The following LPIN2 variants were observed in gnomAD, a reference collection of about 807,000 sequenced individuals.
LPIN2 encodes the protein lipin 2.
Under a neutral mutation model 111.4 loss-of-function variants are expected in LPIN2, and 55 were observed. The ratio of observed to expected loss-of-function variants is 0.49; its 90% CI spans 0.40 to 0.62. The LOEUF (loss-of-function observed/expected upper bound fraction) is 0.62, where lower values mean the gene tolerates loss of function less well. LPIN2 is among the 20% of genes least tolerant of loss of function. The probability of loss-of-function intolerance (pLI) is 0.00; values close to 1 mark genes in which losing one functional copy is unlikely to be tolerated. For synonymous variants in LPIN2, 425 were observed against 414.0 expected (o/e 1.03, Z -0.32); for missense variants, 992 against 1,112.1 (o/e 0.89, Z 1.54).
chr18:2,937,822 G>C lies in LPIN2; in HGVS notation c.1038C>G (p.Leu346=). The part of the protein sequence containing the change: ...MSDPTSVAEL[L]EPPLESTQIS... The stretch of plus-strand genomic sequence containing the variant: ...TCTGAGTACTCTCAAGAGGAGGTTC[G>C]AGAAGCTCTGCCACAGATGTTGGGT... Residue 346 remains leucine, a synonymous_variant, in exon 7 of 20, where the codon CTC becomes CTG. Coordinates refer to ENST00000677752, the MANE Select transcript of LPIN2 (RefSeq NM_001375808.2). 1 of 1,614,114 alleles carries C rather than the reference G, an allele frequency of 6.2e-7. No homozygotes were observed. The highest frequency in any genetic ancestry group is 8.5e-7 in the Non-Finnish European group (1 of 1,180,020).
intron 1 of LPIN2, among the ~76,000 whole-genome samples, chr18:2,992,271 A>G (rs1344777090): frequency 6.6e-6 from 1 of 152,220 alleles, no homozygotes. Context: ...ATGCCACAAC[A>G]TGGACGAACC....
At chr18:2,946,444 TG>T in intron 4 of LPIN2, 1 of 1,434,846 alleles carries the variant, frequency 7.0e-7, no homozygotes, top group Non-Finnish European at 9.8e-7. Flanking sequence ...CGTGAAAGAC[TG>T]GAACGCCTGG....
intron 1 of LPIN2, among the ~76,000 whole-genome samples, chr18:3,004,015 G>A (rs1413515165): frequency 6.7e-6 from 1 of 150,240 alleles, no homozygotes; most frequent in African/African-American, 2.5e-5. Flanking sequence ...ATTGTCTTAT[G>A]CAGTTGAGAT....
intron 1 of LPIN2, among the ~76,000 whole-genome samples, 163 bp downstream of exon 1, chr18:3,012,924 G>A (rs1046277045): frequency 6.6e-6 from 1 of 151,348 alleles, no homozygotes; most frequent in African/African-American, 2.4e-5. Context: ...CGGGAAGCGG[G>A]GACCGCGGCG....
chr18:2,949,137 C>T (rs556684610), intron 4 of LPIN2, among the ~76,000 whole-genome samples: 2 of 152,224 alleles, frequency 1.3e-5, no homozygotes, highest in East Asian at 3.9e-4. Flanking sequence ...TGAAGTCAAG[C>T]AGTAGAAAAG....
chr18:3,012,164 G>A (rs1567871371), intron 1 of LPIN2, among the ~76,000 whole-genome samples: 1 of 152,052 alleles, frequency 6.6e-6, no homozygotes, highest in Non-Finnish European at 1.5e-5. Context: ...TTGACACCAA[G>A]TCTAGAGCCT....
chr18:3,000,738 G>T (rs189251489), intron 1 of LPIN2, among the ~76,000 whole-genome samples: 1 of 152,166 alleles, frequency 6.6e-6, no homozygotes, highest in African/African-American at 2.4e-5. Flanking sequence ...GGGCCTGCTA[G>T]CCAGGTCTAA....
chr18:2,968,590 AG>A (rs1314018832), intron 1 of LPIN2, among the ~76,000 whole-genome samples: 4 of 31,534 alleles, frequency 1.3e-4, no homozygotes, highest in Non-Finnish European at 3.8e-4. Context: ...TCTACTTGGG[AG>A]AGTTAGGTAA....
rs2077698231 is a variant in LPIN2, at chr18:2,960,669, G to C, written c.172C>G (p.Leu58Val). 1.2e-6 allele frequency: 2 copies of C among 1,613,896 alleles called. No individual in the cohort carries two copies. The highest frequency in any genetic ancestry group is 1.1e-5 in the South Asian group (1 of 91,068). The change falls in exon 2 of 20, where the codon CTG (leucine) becomes GTG (valine). Residue 58 changes from leucine to valine, a missense_variant. By Grantham distance (32) the Leu-to-Val change is conservative. Transcript: ENST00000677752. ...CTCACCACTTTCTCTTTGGATCTCA[G>C]GACTCCCAGCTTTCCAAACCGAACG... Reference protein sequence around the residue: ...FHVRFGKLGVLRSKEKVIDIE... With the variant: ...FHVRFGKLGVVRSKEKVIDIE...
At chr18:2,972,250 A>C (rs2077930823) in intron 1 of LPIN2, 1 of 152,148 alleles carries the variant, frequency 6.6e-6, no homozygotes, top group Admixed American at 6.6e-5. Flanking sequence ...TAAATCTAAA[A>C]ATATCCCCGT....
intron 1 of LPIN2, among the ~76,000 whole-genome samples, chr18:3,012,175 C>T (rs1347104306): frequency 6.6e-6 from 1 of 151,974 alleles, no homozygotes; most frequent in Non-Finnish European, 1.5e-5. Flanking sequence ...TCTAGAGCCT[C>T]GTTTTCAATT....
In LPIN2 at chr18:2,919,043, G is replaced by A. The variant is rs1346279472; in HGVS notation, c.*1250C>T. 2 of 152,204 alleles carry A rather than the reference G, an allele frequency of 1.3e-5. No individual in the cohort carries two copies. The highest frequency in any genetic ancestry group is 4.8e-5 in the African/African-American group (2 of 41,440). The allele number at this position is 152,204 out of a possible 1,614,324, so 9.4% of individuals were successfully genotyped here. ...TCTGTCAACACTCAGCATACCAAAA[G>A]CTCTGGAGCAGCTTATGGCACACCT... On this transcript the variant is annotated 3_prime_UTR_variant, in exon 20 of 20. Coordinates refer to ENST00000677752, the MANE Select transcript of LPIN2 (RefSeq NM_001375808.2).
At chr18:2,945,850 G>A in intron 4 of LPIN2, 10 of 1,469,648 alleles carry the variant, frequency 6.8e-6, no homozygotes, top group Non-Finnish European at 9.5e-6. Context: ...TGCCAGTCAT[G>A]TCTACATGGA....
At chr18:2,990,404 C>T (rs1188332812) in intron 1 of LPIN2, among the ~76,000 whole-genome samples, 1 of 152,114 alleles carries the variant, frequency 6.6e-6, no homozygotes, top group Non-Finnish European at 1.5e-5. Flanking sequence ...GGGAGTTTAA[C>T]TCTAGAATAT....
intron 1 of LPIN2, among the ~76,000 whole-genome samples, chr18:3,012,568 C>A (rs2078623626): frequency 1.3e-5 from 2 of 152,334 alleles, no homozygotes; most frequent in African/African-American, 4.8e-5. Flanking sequence ...CGGGGCAAAG[C>A]GCGGCGGGGA....
At chr18:2,961,740 C>G (rs1447476199) in intron 1 of LPIN2, among the ~76,000 whole-genome samples, 1 of 152,106 alleles carries the variant, frequency 6.6e-6, no homozygotes, top group African/African-American at 2.4e-5. Context: ...AATACACCCC[C>G]ACATTTTATT....
chr18:2,992,277 G>A (rs976941069), intron 1 of LPIN2, among the ~76,000 whole-genome samples: 10 of 152,148 alleles, frequency 6.6e-5, no homozygotes, highest in African/African-American at 2.4e-4. Flanking sequence ...CAACATGGAC[G>A]AACCCTGAAA....
Position 2,993,496 on chromosome 18 carries a change from T to A in LPIN2, c.-10+19591A>T, listed in dbSNP as rs984140522. On this transcript the variant is annotated intron_variant, in intron 1 of 19. Transcript: ENST00000677752. ...CCTTCTAGGTAAAACAATCTGACAT[T>A]TCGAAAACTATGGCTTTCTGAGCAT... is the stretch of plus-strand genomic sequence containing the variant. Among the ~76,000 whole-genome samples the A allele has an allele frequency of 5.3e-5, 8 of 152,352 alleles. No individual in the cohort carries two copies. The East Asian group carries it at 1.5e-3, about 29-fold the overall frequency.
intron 1 of LPIN2, among the ~76,000 whole-genome samples, chr18:3,005,858 G>A (rs12326079): frequency 6.6e-6 from 1 of 151,944 alleles, no homozygotes; most frequent in South Asian, 2.1e-4. Flanking sequence ...AGACCTCATC[G>A]CTATAAATAA....
Sources: gnomAD v4.1 joint callset for allele counts (sites outside exome capture counted in the v4.1 genomes callset) on GRCh38, gnomAD v4.1.1 for gene constraint, MANE v1.5 for transcripts, NCBI Gene and HGNC (gene_info 2026-07-23, HGNC 2026-07-21) for gene names.